The following CTNNA3 variants were observed in gnomAD, a reference collection of about 807,000 sequenced individuals.
The protein encoded by CTNNA3 is catenin alpha 3.
Under a neutral mutation model 95.7 loss-of-function variants are expected in CTNNA3, and 76 were observed. The ratio of observed to expected loss-of-function variants is 0.79; its 90% confidence interval spans 0.66 to 0.96. The LOEUF (loss-of-function observed/expected upper bound fraction) is 0.96. CTNNA3 is among the 40% of genes least tolerant of loss of function. The probability of loss-of-function intolerance (pLI) is 0.00; values close to 1 mark genes in which losing one functional copy is unlikely to be tolerated. For missense variants in CTNNA3, 1,191 were observed against 1,089.8 expected (o/e 1.09, Z -1.31); for synonymous variants, 431 against 374.4 (o/e 1.15, Z -1.74).
In CTNNA3 at chr10:66,976,287, T is replaced by C. The variant is rs78748061; in HGVS notation, c.1048-200763A>G. ...CACTAATATAGGGAATCAGGGACGATACCCCTGTAAAAGGGATATTTCAGC... is the reference window on the plus strand; with the variant it reads ...CACTAATATAGGGAATCAGGGACGACACCCCTGTAAAAGGGATATTTCAGC... On this transcript the variant is annotated intron_variant, in intron 7 of 17. Coordinates refer to ENST00000433211, the MANE Select transcript of CTNNA3 (RefSeq NM_013266.4). Among the ~76,000 whole-genome samples, 12 of 152,298 alleles carry C rather than the reference T, an allele frequency of 7.9e-5. No individual in the cohort carries two copies. The East Asian group carries it at 2.1e-3, about 27-fold the overall frequency.
At chr10:66,309,716 T>C (rs1354613278) in intron 12 of CTNNA3, among the ~76,000 whole-genome samples, 1 of 105,534 alleles carries the variant, frequency 9.5e-6, no homozygotes, top group African/African-American at 3.3e-5. Context: ...AAAAAAAGGG[T>C]TAGATTCCAA....
At chr10:67,128,171 C>T (rs1053862245) in intron 7 of CTNNA3, among the ~76,000 whole-genome samples, 4 of 152,018 alleles carry the variant, frequency 2.6e-5, no homozygotes, top group Non-Finnish European at 5.9e-5. Context: ...ATAGGGTGCC[C>T]AGATACTCAG....
chr10:67,590,728 T>G (rs913295892), intron 3 of CTNNA3, among the ~76,000 whole-genome samples: 1 of 152,130 alleles, frequency 6.6e-6, no homozygotes, highest in Non-Finnish European at 1.5e-5. Context: ...TTGTTCATTT[T>G]GCTTTTCTTT....
At chr10:66,526,726 C>T (rs1841280143) in intron 10 of CTNNA3, among the ~76,000 whole-genome samples, 1 of 152,088 alleles carries the variant, frequency 6.6e-6, no homozygotes, top group Non-Finnish European at 1.5e-5. Flanking sequence ...TTTTCATGTG[C>T]TTATTGACGA....
intron 12 of CTNNA3, 38 bp downstream of exon 12, chr10:66,379,114 A>G (rs756394088): frequency 2.7e-6 from 4 of 1,501,370 alleles, no homozygotes; most frequent in Admixed American, 3.3e-5. Flanking sequence ...AGATTCAAAT[A>G]AGAGAAATTG....
At chr10:66,610,796 G>A (rs189957439) in intron 10 of CTNNA3, among the ~76,000 whole-genome samples, 40 of 152,146 alleles carry the variant, frequency 2.6e-4, no homozygotes, top group Non-Finnish European at 4.3e-4. Context: ...CCAAAGAAAG[G>A]AAATCAATAT....
chr10:67,579,644 G>T (rs1589448654), intron 3 of CTNNA3, among the ~76,000 whole-genome samples: 1 of 152,314 alleles, frequency 6.6e-6, no homozygotes, highest in East Asian at 1.9e-4. Context: ...CTTCGACAAT[G>T]GTTGAACTAG....
intron 7 of CTNNA3, among the ~76,000 whole-genome samples, chr10:66,874,239 A>C (rs574089067): frequency 6.6e-6 from 1 of 152,156 alleles, no homozygotes; most frequent in Non-Finnish European, 1.5e-5. Context: ...ATAGTGATGA[A>C]TATCAGAGCT....
intron 7 of CTNNA3, among the ~76,000 whole-genome samples, chr10:66,817,699 C>G (rs1297803020): frequency 1.3e-5 from 2 of 151,956 alleles, no homozygotes; most frequent in African/African-American, 2.4e-5. Context: ...GATAAATTTA[C>G]TGCTCAATTC....
intron 11 of CTNNA3, among the ~76,000 whole-genome samples, chr10:66,422,551 A>G (rs2093204441): frequency 6.6e-6 from 1 of 151,886 alleles, no homozygotes; most frequent in African/African-American, 2.4e-5. Flanking sequence ...TTTTTTTCAA[A>G]ACAAGAGGCT....
At chr10:67,117,170 C>T (rs1859228501) in intron 7 of CTNNA3, among the ~76,000 whole-genome samples, 1 of 151,826 alleles carries the variant, frequency 6.6e-6, no homozygotes, top group South Asian at 2.1e-4. Context: ...TCAGCAATGT[C>T]AGCTCACTTC....
At chr10:66,815,182 A>C (rs890399697) in intron 7 of CTNNA3, among the ~76,000 whole-genome samples, 13 of 152,230 alleles carry the variant, frequency 8.5e-5, no homozygotes, top group African/African-American at 3.1e-4. Flanking sequence ...CAAAATCGTC[A>C]TAATTAACTT....
At chr10:66,858,983 T>G (rs1025755790) in intron 7 of CTNNA3, among the ~76,000 whole-genome samples, 1 of 152,034 alleles carries the variant, frequency 6.6e-6, no homozygotes, top group East Asian at 1.9e-4. Flanking sequence ...ACCCCATATA[T>G]AGAGATCTTT....
At chr10:67,554,341 T>C (rs2133236620) in intron 3 of CTNNA3, among the ~76,000 whole-genome samples, 1 of 152,342 alleles carries the variant, frequency 6.6e-6, no homozygotes, top group African/African-American at 2.4e-5. Flanking sequence ...CCACACTGTC[T>C]TCCACAATGG....
chr10:66,793,770 T>A (rs961958985), intron 7 of CTNNA3, among the ~76,000 whole-genome samples: 6 of 152,306 alleles, frequency 3.9e-5, no homozygotes, highest in Non-Finnish European at 7.4e-5. Context: ...GTTATTGAGA[T>A]GTCTCTTAAA....
chr10:67,482,261 A>G (rs1490062437), intron 5 of CTNNA3, among the ~76,000 whole-genome samples: 1 of 151,942 alleles, frequency 6.6e-6, no homozygotes, highest in Non-Finnish European at 1.5e-5. Flanking sequence ...TGAACTTTAA[A>G]GTAGTTTTTT....
At chr10:66,132,658 T>C (rs981936969) in intron 13 of CTNNA3, among the ~76,000 whole-genome samples, 33 of 152,288 alleles carry the variant, frequency 2.2e-4, no homozygotes, top group African/African-American at 7.2e-4. Context: ...TAAATGCTCA[T>C]CAATGACAGA....
intron 15 of CTNNA3, among the ~76,000 whole-genome samples, chr10:66,022,197 A>G (rs1007255270): frequency 6.6e-6 from 1 of 151,952 alleles, no homozygotes; most frequent in Admixed American, 6.6e-5. Flanking sequence ...TTGATTTTTG[A>G]CTTTGAATTT....
intron 12 of CTNNA3, among the ~76,000 whole-genome samples, chr10:66,301,678 G>A (rs1157696578): frequency 2.6e-5 from 4 of 151,744 alleles, no homozygotes; most frequent in African/African-American, 9.7e-5. Context: ...CCCACTCATA[G>A]TAAGAACTCT....
Sources: gnomAD v4.1 joint callset for allele counts (sites outside exome capture counted in the v4.1 genomes callset) on GRCh38, gnomAD v4.1.1 for gene constraint, MANE v1.5 for transcripts, NCBI Gene and HGNC (gene_info 2026-07-23, HGNC 2026-07-21) for gene names.